TBX19: variants seen among roughly 807,000 people sequenced by gnomAD.
TBX19 encodes T-box transcription factor 19, also known as T-box transcription factor TBX19.
A neutral mutation model predicts 40.9 loss-of-function variants in TBX19; 33 were observed. That is an observed-to-expected ratio of 0.81 (90% CI 0.61 to 1.08). TBX19 has a LOEUF of 1.08. TBX19 is among the 50% of genes least tolerant of loss of function. TBX19 has a pLI of 0.00. For synonymous variants in TBX19, 220 were observed against 225.0 expected (o/e 0.98, Z 0.20); for missense variants, 494 against 574.0 (o/e 0.86, Z 1.42).
Position 168,312,967 on chromosome 1 carries a change from G to T in TBX19, c.1312G>T (p.Gly438Cys). The T allele has an allele frequency of 6.2e-7, 1 of 1,614,234 alleles. No homozygotes were observed. The highest frequency in any genetic ancestry group is 1.1e-5 in the South Asian group (1 of 91,086). Residue 438 changes from glycine to cysteine, a missense_variant, in exon 8 of 8, where the codon GGT (glycine) becomes TGT (cysteine). Around this residue, in one of 3 missense-constraint regions of TBX19, gnomAD observed 284 missense variants for 307.3 expected, o/e 0.92. Transcript: ENST00000367821. ...PFAGWGGPGA[G>C]GHHSPSSLDG is the part of the protein sequence containing the mutation. ...CGCGGGCTGGGGTGGCCCAGGAGCG[G>T]GTGGGCACCATTCTCCTTCCTCACT...
intron 1 of TBX19, among the ~76,000 whole-genome samples, chr1:168,285,575 C>T (rs1041839499): frequency 3.3e-5 from 5 of 152,210 alleles, no homozygotes; most frequent in African/African-American, 1.2e-4. Flanking sequence ...GGGCAAAGCC[C>T]AACCACCTGT....
chr1:168,293,030 G>A, intron 2 of TBX19, 114 bp from the exon 3 acceptor site: 3 of 1,565,960 alleles, frequency 1.9e-6, no homozygotes, highest in Non-Finnish European at 2.6e-6. Flanking sequence ...TGAAATGTGT[G>A]TCCCTAACCG....
chr1:168,295,139 A>G (rs574412239), intron 3 of TBX19, among the ~76,000 whole-genome samples: 2 of 152,170 alleles, frequency 1.3e-5, no homozygotes, highest in East Asian at 3.9e-4. Context: ...AAAAATACAA[A>G]AATTAGCTGG....
chr1:168,287,545 C>T (rs1648834110), intron 1 of TBX19, among the ~76,000 whole-genome samples: 1 of 152,134 alleles, frequency 6.6e-6, no homozygotes, highest in Non-Finnish European at 1.5e-5. Context: ...GTGATCCTCC[C>T]ATCTTGGCCT....
chr1:168,296,876 AT>A (rs1321142557), intron 3 of TBX19, among the ~76,000 whole-genome samples: 5 of 107,832 alleles, frequency 4.6e-5, no homozygotes, highest in African/African-American at 1.4e-4. Flanking sequence ...CTCAAAAAAA[AT>A]ATATATATAT....
intron 1 of TBX19, among the ~76,000 whole-genome samples, chr1:168,284,117 T>C (rs1291815641): frequency 6.6e-6 from 1 of 152,186 alleles, no homozygotes; most frequent in East Asian, 1.9e-4. Flanking sequence ...CTCCTTTTCT[T>C]TCTTTCTCTC....
chr1:168,292,646 C>T lies in TBX19; in HGVS notation c.469-498C>T, dbSNP rs370904692. ...TTGGGAGGCCGAAGTGGGCGGATCA[C>T]GAGGTCAGGAGATCGAGACCATCCT... On this transcript the variant is annotated intron_variant, in intron 2 of 7. Coordinates refer to ENST00000367821, the MANE Select transcript of TBX19 (RefSeq NM_005149.3). Among the ~76,000 whole-genome samples, 28 of 152,220 alleles carry T rather than the reference C, an allele frequency of 1.8e-4. 1 individual carries two copies. The South Asian group carries it at 4.6e-3, about 25-fold the overall frequency.
intron 1 of TBX19, among the ~76,000 whole-genome samples, chr1:168,290,615 A>G (rs1648912650): frequency 6.6e-6 from 1 of 152,160 alleles, no homozygotes; most frequent in South Asian, 2.1e-4. Context: ...CAGTGGCACC[A>G]TCACAGCTCA....
chr1:168,310,672 A>T (rs960491135), intron 7 of TBX19, among the ~76,000 whole-genome samples: 1 of 146,602 alleles, frequency 6.8e-6, no homozygotes, highest in Non-Finnish European at 1.5e-5. Flanking sequence ...ATATATATAT[A>T]TAAAAAAATA....
Position 168,313,989 on chromosome 1 carries a change from C to G in TBX19, c.*987C>G, listed in dbSNP as rs1335440405. On this transcript the variant is annotated 3_prime_UTR_variant, in exon 8 of 8. Transcript: ENST00000367821. Reference sequence around the variant, plus strand: ...CACACCATCTGGCCTGAAACCACTTCCCCAGCTTAGGTCCCTCTGTTATCC... The same window carrying G: ...CACACCATCTGGCCTGAAACCACTTGCCCAGCTTAGGTCCCTCTGTTATCC... 2.0e-5 allele frequency: 3 copies of G among 152,264 alleles called. No homozygotes were observed. The highest frequency in any genetic ancestry group is 1.3e-4 in the Admixed American group (2 of 15,280). The allele number at this position is 152,264 out of a possible 1,614,324, so 9.4% of individuals were successfully genotyped here.
intron 1 of TBX19, among the ~76,000 whole-genome samples, chr1:168,287,386 T>A (rs1458011904): frequency 6.6e-6 from 1 of 152,252 alleles, no homozygotes; most frequent in Non-Finnish European, 1.5e-5. Context: ...CAGATATGGC[T>A]AAAGTAGCTT....
intron 7 of TBX19, among the ~76,000 whole-genome samples, chr1:168,309,587 T>C (rs1478357207): frequency 6.6e-6 from 1 of 152,088 alleles, no homozygotes; most frequent in Non-Finnish European, 1.5e-5. Flanking sequence ...GGGGGACATA[T>C]TGTGGATGCC....
intron 7 of TBX19, among the ~76,000 whole-genome samples, chr1:168,310,660 T>A (rs981523783): frequency 1.4e-5 from 2 of 142,652 alleles, no homozygotes; most frequent in African/African-American, 2.8e-5. Flanking sequence ...TCCCAGTTTT[T>A]TATATATATA....
rs573571371 is a variant in TBX19 at position 168,308,785 on chromosome 1, G to A, written c.960G>A (p.Ser320=). The A allele has an allele frequency of 1.4e-5, 22 of 1,613,776 alleles. No homozygotes were observed. The highest frequency in any genetic ancestry group is 1.7e-5 in the Non-Finnish European group (20 of 1,179,944). ...CAAGCAATAATCTGCAAGTTTTCTC[G>A]GGACCTGACAGCTGGACTTCCTTAT... ...ESSSNNLQVF[S]GPDSWTSLSS... The change falls in exon 7 of 8, where the codon TCG becomes TCA. Residue 320 remains serine (S), a synonymous_variant. Transcript: ENST00000367821.
At chr1:168,310,843 A>C (rs1471739218) in intron 7 of TBX19, among the ~76,000 whole-genome samples, 1 of 146,936 alleles carries the variant, frequency 6.8e-6, no homozygotes, top group African/African-American at 2.5e-5. Context: ...TAAATATATA[A>C]AAATATAACA....
chr1:168,306,619 G>A (rs1266114796), intron 6 of TBX19, among the ~76,000 whole-genome samples: 2 of 93,012 alleles, frequency 2.2e-5, no homozygotes, highest in Non-Finnish European at 4.0e-5. Flanking sequence ...AGAGCAAGAC[G>A]CCATCTCAAA....
chr1:168,309,261 T>A (rs1396292545), intron 7 of TBX19, among the ~76,000 whole-genome samples: 1 of 152,098 alleles, frequency 6.6e-6, no homozygotes, highest in East Asian at 1.9e-4. Flanking sequence ...TAATCCTAGC[T>A]ACTCAGGAGG....
intron 5 of TBX19, among the ~76,000 whole-genome samples, chr1:168,303,701 AGGGGGT>A (rs1649336186): frequency 6.6e-6 from 1 of 152,198 alleles, no homozygotes; most frequent in Non-Finnish European, 1.5e-5. Flanking sequence ...TATGCTATAC[AGGGGGT>A]GGATTATTCA....
At chr1:168,308,280 CA>C in intron 6 of TBX19, 1 of 195,138 alleles carries the variant, frequency 5.1e-6, no homozygotes, top group East Asian at 1.3e-4. Context: ...CATGCCGGGC[CA>C]AAAGGCACTG....
Sources: allele counts gnomAD v4.1 joint callset (sites outside exome capture counted in the v4.1 genomes callset), GRCh38; gene constraint gnomAD v4.1.1; regional missense constraint gnomAD v4.1.1; transcripts MANE v1.5; gene names NCBI Gene and HGNC (gene_info 2026-07-23, HGNC 2026-07-21).